WDR17: variants seen among roughly 807,000 people sequenced by gnomAD.
WDR17 encodes the protein WD repeat-containing protein 17.
In WDR17, 143 loss-of-function variants were observed where a neutral mutation model predicts 161.7. The ratio of observed to expected loss-of-function variants is 0.88; its 90% confidence interval spans 0.77 to 1.02. The LOEUF (loss-of-function observed/expected upper bound fraction) is 1.02, where lower values mean the gene tolerates loss of function less well. WDR17 is among the 50% of genes least tolerant of loss of function. The probability of loss-of-function intolerance (pLI) is 0.00; values close to 1 mark genes in which losing one functional copy is unlikely to be tolerated. For synonymous variants in WDR17, 517 were observed against 515.6 expected, an observed-to-expected ratio of 1.00 and a Z score of -0.04; for missense variants, 1,469 against 1,520.9, an observed-to-expected ratio of 0.97 and a Z score of 0.57.
chr4:176,084,911 G>A (rs1001112175), intron 1 of WDR17, among the ~76,000 whole-genome samples: 15 of 151,156 alleles, frequency 9.9e-5, no homozygotes, highest in African/African-American at 1.7e-4. Context: ...ATCACTTAAC[G>A]GTATATGAAG....
rs190724694 is a variant in WDR17, at chr4:176,130,059, C to G, written c.913+1199C>G. Reference sequence around the variant, plus strand: ...CCAGTCTTGTCATTTTCGAGCAATTCCTTTCAGATTACCTCTTCTTTGACT... The same window carrying G: ...CCAGTCTTGTCATTTTCGAGCAATTGCTTTCAGATTACCTCTTCTTTGACT... On this transcript the variant is annotated intron_variant, in intron 6 of 28. Coordinates refer to ENST00000508596, the MANE Select transcript of WDR17 (RefSeq NM_181265.4). 2.2e-4 allele frequency among the ~76,000 whole-genome samples: 33 copies of G among 152,162 alleles called. 1 individual carries two copies. In the East Asian group the frequency reaches 4.8e-3, roughly 22 times the overall value.
Position 176,067,732 on chromosome 4 carries a change from G to T in WDR17, c.-7+1653G>T, listed in dbSNP as rs185751547. 4.4e-3 allele frequency among the ~76,000 whole-genome samples: 675 copies of T among 152,292 alleles called. 7 individuals carry two copies. Among genetic ancestry groups the T allele is most frequent in the African/African-American group, 0.016 (655 of 41,556 alleles). ...GTAGAGGGGAGACTAGGGCTAGATT[G>T]CTTTTGTTGTTGCTGTTTTCTACAG... On this transcript the variant is annotated intron_variant, in intron 1 of 28. Transcript: ENST00000508596.
chr4:176,103,502 T>C (rs1394893319), intron 1 of WDR17, among the ~76,000 whole-genome samples: 2 of 152,010 alleles, frequency 1.3e-5, no homozygotes, highest in Non-Finnish European at 2.9e-5. Flanking sequence ...ACAAAGACTT[T>C]AAAACAACTG....
chr4:176,148,440 AT>A, intron 13 of WDR17, 105 bp downstream of exon 13: 1 of 958,742 alleles, frequency 1.0e-6, no homozygotes, highest in African/African-American at 1.7e-5. Flanking sequence ...ACAGTGTTTT[AT>A]TTTACAATAA....
At chr4:176,131,794 A>G in intron 7 of WDR17, 56 bp downstream of exon 7, 3 of 1,289,124 alleles carry the variant, frequency 2.3e-6, no homozygotes, top group Non-Finnish European at 3.1e-6. Flanking sequence ...TAAACCCATG[A>G]TCTTTACTTT....
intron 6 of WDR17, among the ~76,000 whole-genome samples, chr4:176,130,936 C>T (rs1579134066): frequency 1.3e-5 from 2 of 151,794 alleles, no homozygotes; most frequent in Admixed American, 1.3e-4. Flanking sequence ...TAAAAATAAT[C>T]ACAGTGATAT....
intron 1 of WDR17, among the ~76,000 whole-genome samples, chr4:176,068,681 A>G (rs752651774): frequency 6.6e-6 from 1 of 152,206 alleles, no homozygotes; most frequent in Non-Finnish European, 1.5e-5. Flanking sequence ...TTTCTTTTGT[A>G]TCAGAAACAT....
At chr4:176,095,162 TACGATAAGCCAG>T (rs1324462278) in intron 1 of WDR17, among the ~76,000 whole-genome samples, 2 of 151,964 alleles carry the variant, frequency 1.3e-5, no homozygotes, top group Admixed American at 1.3e-4. Flanking sequence ...CAACTCAAAA[TACGATAAGCCAG>T]AGACAACAAT....
intron 17 of WDR17, among the ~76,000 whole-genome samples, chr4:176,155,793 C>G (rs563751543): frequency 2.5e-4 from 38 of 149,114 alleles, no homozygotes; most frequent in African/African-American, 8.6e-4. Flanking sequence ...AAACTCCTAG[C>G]CTCAAGCAAT....
chr4:176,148,070 A>G, intron 12 of WDR17, 63 bp from the exon 13 acceptor site: 6 of 1,409,310 alleles, frequency 4.3e-6, no homozygotes, highest in Non-Finnish European at 4.9e-6. Flanking sequence ...TATTAAGAAT[A>G]TGTTAATACT....
At chr4:176,143,697 T>A (rs1398134677) in intron 11 of WDR17, among the ~76,000 whole-genome samples, 1 of 151,876 alleles carries the variant, frequency 6.6e-6, no homozygotes, top group African/African-American at 2.4e-5. Context: ...AAGAAAAAAA[T>A]TATAAATACT....
intron 9 of WDR17, among the ~76,000 whole-genome samples, chr4:176,138,052 G>A (rs1020622188): frequency 2.6e-5 from 4 of 151,526 alleles, no homozygotes; most frequent in Admixed American, 1.3e-4. Flanking sequence ...CAATTATTCC[G>A]TGCAGAGCCT....
At chr4:176,092,199 C>T (rs919726510) in intron 1 of WDR17, among the ~76,000 whole-genome samples, 3 of 151,992 alleles carry the variant, frequency 2.0e-5, no homozygotes, top group Non-Finnish European at 4.4e-5. Flanking sequence ...AAATATTCAG[C>T]AAAATACTAG....
rs374033812 is a variant in WDR17, at chr4:176,119,936, C to A, written c.377C>A (p.Pro126Gln). 172 of 1,613,850 alleles carry A rather than the reference C, an allele frequency of 1.1e-4. No individual in the cohort carries two copies. In the Middle Eastern group the frequency reaches 1.3e-3, roughly 12 times the overall value. Reference protein sequence around the residue: ...DVVAFVSHRGPLFIWTISGPD... With the variant: ...DVVAFVSHRGQLFIWTISGPD... ...GTGGCATTTGTTTCCCACAGAGGCC[C>A]ACTGTTCATTTGGACCATCTCAGGA... The change falls in exon 4 of 29, where the codon CCA (proline) becomes CAA (glutamine). Residue 126 changes from proline to glutamine, a missense_variant. Transcript: ENST00000508596.
intron 1 of WDR17, among the ~76,000 whole-genome samples, chr4:176,076,335 C>T (rs1459918989): frequency 1.4e-5 from 2 of 139,090 alleles, no homozygotes; most frequent in Non-Finnish European, 3.1e-5. Flanking sequence ...ATGTATATTG[C>T]TTAAAACAAA....
At chr4:176,134,605 ATTC>A (rs1436649477) in intron 7 of WDR17, among the ~76,000 whole-genome samples, 1 of 151,724 alleles carries the variant, frequency 6.6e-6, no homozygotes, top group Non-Finnish European at 1.5e-5. Flanking sequence ...GTTATGCCTG[ATTC>A]TTCTGTTTCT....
intron 1 of WDR17, among the ~76,000 whole-genome samples, chr4:176,079,815 C>T (rs1578995117): frequency 6.6e-6 from 1 of 152,056 alleles, no homozygotes; most frequent in East Asian, 1.9e-4. Flanking sequence ...CTGAAGAGTC[C>T]AAAGGCAGTA....
At chr4:176,081,401 C>G (rs900999709) in intron 1 of WDR17, among the ~76,000 whole-genome samples, 5 of 152,084 alleles carry the variant, frequency 3.3e-5, no homozygotes, top group Non-Finnish European at 7.4e-5. Flanking sequence ...ATTTCCCTCT[C>G]AAAGTTCCAA....
chr4:176,101,088 T>A (rs1737749796), intron 1 of WDR17, among the ~76,000 whole-genome samples: 1 of 152,184 alleles, frequency 6.6e-6, no homozygotes, highest in African/African-American at 2.4e-5. Context: ...TGGTTCTATA[T>A]GAATTTTAGG....
Sources: gnomAD v4.1 joint callset for allele counts (sites outside exome capture counted in the v4.1 genomes callset) on GRCh38, gnomAD v4.1.1 for gene constraint, MANE v1.5 for transcripts, NCBI Gene and HGNC (gene_info 2026-07-23, HGNC 2026-07-21) for gene names.